The following CTTNBP2 variants were observed in gnomAD, a reference collection of about 807,000 sequenced individuals.
The protein encoded by CTTNBP2 is cortactin binding protein 2, also known as cortactin-binding protein 2.
In CTTNBP2, 108 loss-of-function variants were observed where a neutral mutation model predicts 156.9. The ratio of observed to expected loss-of-function variants is 0.69; its 90% CI spans 0.59 to 0.81. The LOEUF is 0.81. Ranked by LOEUF, CTTNBP2 falls within the 30% of genes least tolerant of loss-of-function variation. The probability of loss-of-function intolerance (pLI) is 0.00; values close to 1 mark genes in which losing one functional copy is unlikely to be tolerated. For missense variants in CTTNBP2, 1,924 were observed against 2,035.4 expected (o/e 0.95, Z 1.05); for synonymous variants, 767 against 751.8 (o/e 1.02, Z -0.33).
chr7:117,717,656 G>A (rs1794502764), intron 22 of CTTNBP2, among the ~76,000 whole-genome samples: 1 of 151,402 alleles, frequency 6.6e-6, no homozygotes, highest in Admixed American at 6.6e-5. Context: ...GGAATATAGT[G>A]TATATAAACT....
intron 2 of CTTNBP2, among the ~76,000 whole-genome samples, chr7:117,851,781 G>A (rs1563067675): frequency 6.6e-6 from 1 of 152,286 alleles, no homozygotes; most frequent in Non-Finnish European, 1.5e-5. Context: ...TAGCCAAGCA[G>A]ACATGATGGA....
At chr7:117,804,088 GAGTAGCT>G (rs1347040581) in intron 3 of CTTNBP2, among the ~76,000 whole-genome samples, 1 of 152,044 alleles carries the variant, frequency 6.6e-6, no homozygotes. Flanking sequence ...TCAGCCTCCT[GAGTAGCT>G]AGGACTACAG....
chr7:117,724,498 C>G, intron 19 of CTTNBP2, 49 bp downstream of exon 19: 1 of 1,478,410 alleles, frequency 6.8e-7, no homozygotes, highest in Non-Finnish European at 9.2e-7. Context: ...GACACTGGAT[C>G]ACGTATGTCC....
chr7:117,792,976 G>T lies in CTTNBP2; in HGVS notation c.415-195C>A, dbSNP rs1004838367. 2.0e-5 allele frequency among the ~76,000 whole-genome samples: 3 copies of T among 152,088 alleles called. No individual in the cohort carries two copies. The highest frequency in any genetic ancestry group is 2.9e-5 in the Non-Finnish European group (2 of 68,028). ...TAAAATGAGAAAATAGACGTAAATG[G>T]CTTTATAAAGACATCTAAATTACAA... On this transcript the variant is annotated intron_variant, in intron 3 of 22. Transcript: ENST00000160373. The surrounding 1 kb of genome is among the most constrained non-coding windows in gnomAD (Gnocchi z 4.2).
intron 2 of CTTNBP2, among the ~76,000 whole-genome samples, chr7:117,821,987 TA>T (rs1459021464): frequency 6.6e-6 from 1 of 152,176 alleles, no homozygotes; most frequent in Non-Finnish European, 1.5e-5. Flanking sequence ...TCTGACCTCA[TA>T]AAATGAGTTC....
intron 6 of CTTNBP2, 77 bp downstream of exon 6, chr7:117,782,785 C>G: frequency 1.1e-6 from 1 of 916,722 alleles, no homozygotes; most frequent in Non-Finnish European, 1.7e-6. Flanking sequence ...CACATTCAGC[C>G]GGAACTAAAA....
chr7:117,811,460 C>G (rs1391392783), intron 2 of CTTNBP2, among the ~76,000 whole-genome samples: 1 of 152,048 alleles, frequency 6.6e-6, no homozygotes, highest in African/African-American at 2.4e-5. Flanking sequence ...GCCACCACAC[C>G]CAGCTAATTT....
chr7:117,783,427 G>A (rs1798539602), intron 5 of CTTNBP2, among the ~76,000 whole-genome samples: 1 of 152,072 alleles, frequency 6.6e-6, no homozygotes, highest in African/African-American at 2.4e-5. Flanking sequence ...TTTGGATGGT[G>A]GGCATCCTAC....
At chr7:117,772,790 G>A (rs1797864183) in intron 8 of CTTNBP2, among the ~76,000 whole-genome samples, 2 of 152,108 alleles carry the variant, frequency 1.3e-5, no homozygotes, top group East Asian at 1.9e-4. Context: ...TCAGAGTGAC[G>A]AGAAAAAGGA....
intron 2 of CTTNBP2, among the ~76,000 whole-genome samples, chr7:117,821,328 G>GT (rs924632813): frequency 2.8e-4 from 42 of 149,190 alleles, no homozygotes; most frequent in African/African-American, 4.7e-4. Context: ...TGGCTGTGTG[G>GT]TTTTTTTTTT....
At chr7:117,842,463 A>G (rs35072223) in intron 2 of CTTNBP2, among the ~76,000 whole-genome samples, 9,335 of 152,130 alleles carry the variant, frequency 0.061, 282 homozygotes, top group Middle Eastern at 0.078. Flanking sequence ...TTATCCTCCC[A>G]AAGTGCTGGG....
intron 17 of CTTNBP2, among the ~76,000 whole-genome samples, chr7:117,726,451 A>G (rs1192870998): frequency 6.6e-6 from 1 of 152,210 alleles, no homozygotes; most frequent in Non-Finnish European, 1.5e-5. Context: ...AGTTATTCCT[A>G]AAAGTGCTGA....
At chr7:117,749,009 C>A (rs1796485468) in intron 12 of CTTNBP2, among the ~76,000 whole-genome samples, 1 of 152,180 alleles carries the variant, frequency 6.6e-6, no homozygotes, top group East Asian at 1.9e-4. Context: ...TGCTGGCCCC[C>A]TGATCTTGAA....
Position 117,791,738 on chromosome 7 carries a change from T to A in CTTNBP2, c.1458A>T (p.Gln486His), listed in dbSNP as rs755271739. Residue 486 changes from glutamine to histidine, a missense_variant, in exon 4 of 23, where the codon CAA (glutamine) becomes CAT (histidine). Coordinates refer to ENST00000160373, the MANE Select transcript of CTTNBP2 (RefSeq NM_033427.3). ...CTTGGGTCACAGTATTCCGAGCTAG[T>A]TGTTTGGCCACTAGGTTGTCACGAC... ...PTSRDNLVAK[Q>H]LARNTVTQAL... 1 of 1,614,184 alleles carries A rather than the reference T, an allele frequency of 6.2e-7. No homozygotes were observed. Among genetic ancestry groups the A allele is most frequent in the Non-Finnish European group, 8.5e-7 (1 of 1,180,038 alleles).
chr7:117,793,242 T>C (rs1396423497), intron 3 of CTTNBP2, among the ~76,000 whole-genome samples: 1 of 152,230 alleles, frequency 6.6e-6, no homozygotes, highest in African/African-American at 2.4e-5. Context: ...CCCCCATGTT[T>C]GCTAATTGTA....
At chr7:117,757,792 C>A in intron 11 of CTTNBP2, 83 bp downstream of exon 11, 1 of 823,522 alleles carries the variant, frequency 1.2e-6, no homozygotes, top group Non-Finnish European at 1.9e-6. Flanking sequence ...TGGGATGAAA[C>A]GTGAAGATTT....
intron 3 of CTTNBP2, among the ~76,000 whole-genome samples, chr7:117,798,182 A>C (rs948201623): frequency 6.6e-6 from 1 of 152,154 alleles, no homozygotes; most frequent in South Asian, 2.1e-4. Flanking sequence ...AATAATAACA[A>C]TATCTCACTT....
intron 16 of CTTNBP2, among the ~76,000 whole-genome samples, chr7:117,731,808 T>C (rs1017360824): frequency 1.1e-4 from 17 of 152,216 alleles, no homozygotes; most frequent in Non-Finnish European, 1.3e-4. Context: ...ACGTGTGCAG[T>C]GTCAGATGGA....
intron 12 of CTTNBP2, chr7:117,755,436 A>T (rs1286556696): frequency 2.9e-6 from 1 of 350,470 alleles, no homozygotes; most frequent in South Asian, 2.2e-5. Flanking sequence ...AGCAAGCAAA[A>T]TTATGTTTAA....
Sources: allele counts gnomAD v4.1 joint callset (sites outside exome capture counted in the v4.1 genomes callset), GRCh38; gene constraint gnomAD v4.1.1; non-coding constraint Gnocchi (gnomAD v3.1); transcripts MANE v1.5; gene names NCBI Gene and HGNC (gene_info 2026-07-23, HGNC 2026-07-21).